CDH4: variants seen among roughly 807,000 people sequenced by gnomAD.
CDH4 encodes the protein cadherin-4.
Under a neutral mutation model 86.0 loss-of-function variants are expected in CDH4, and 33 were observed. That is an observed-to-expected ratio of 0.38 (90% confidence interval 0.29 to 0.51). The LOEUF is 0.51. Among genes scored for constraint, CDH4 ranks in the 20% least tolerant of loss-of-function variants. CDH4 has a pLI of 0.86. For missense variants in CDH4, 1,114 were observed against 1,307.4 expected, an observed-to-expected ratio of 0.85 and a Z score of 2.28; for synonymous variants, 555 against 549.4, an observed-to-expected ratio of 1.01 and a Z score of -0.14.
chr20:61,873,647 G>A (rs377625714), intron 6 of CDH4, 81 bp from the exon 7 acceptor site: 46 of 1,448,734 alleles, frequency 3.2e-5, no homozygotes, highest in South Asian at 3.0e-4. Context: ...CTCTGTGGTC[G>A]GGGGGCTCTG....
intron 2 of CDH4, among the ~76,000 whole-genome samples, chr20:61,720,396 C>T (rs1195439489): frequency 6.6e-6 from 1 of 150,800 alleles, no homozygotes; most frequent in Non-Finnish European, 1.5e-5. Context: ...TGTAGGGGTG[C>T]AGGGGTGCGA....
intron 9 of CDH4, among the ~76,000 whole-genome samples, chr20:61,913,352 C>T (rs2054871600): frequency 6.6e-6 from 1 of 152,244 alleles, no homozygotes; most frequent in Non-Finnish European, 1.5e-5. Context: ...CTGGTGGCCT[C>T]AGCCGTCATG....
chr20:61,933,118 G>A lies in CDH4; in HGVS notation c.2373G>A (p.Glu791=). 2 of 1,612,612 alleles carry A rather than the reference G, an allele frequency of 1.2e-6. No individual in the cohort carries two copies. The highest frequency in any genetic ancestry group is 1.1e-5 in the South Asian group (1 of 91,060). ...ATGACGAGGAAGGCGGTGGCGAGGAGGACCAGGTGAGACTGCGGCCCGCCC... is the reference window on the plus strand; with the variant it reads ...ATGACGAGGAAGGCGGTGGCGAGGAAGACCAGGTGAGACTGCGGCCCGCCC... ...LKYDEEGGGE[E]DQDYDLSQLQ... Residue 791 remains glutamate (E), a synonymous_variant, in exon 14 of 16, where the codon GAG becomes GAA. Transcript: ENST00000614565.
intron 2 of CDH4, among the ~76,000 whole-genome samples, chr20:61,257,517 G>C (rs2084105319): frequency 6.6e-6 from 1 of 152,208 alleles, no homozygotes; most frequent in African/African-American, 2.4e-5. Context: ...CCGAGACGCC[G>C]CTCCTGTGTC....
Position 61,446,886 on chromosome 20 carries a change from A to G in CDH4, c.169+191949A>G, listed in dbSNP as rs188721652. Among the ~76,000 whole-genome samples, 662 of 152,288 alleles carry G rather than the reference A, an allele frequency of 4.3e-3. 5 individuals carry two copies. The highest frequency in any genetic ancestry group is 0.015 in the African/African-American group (625 of 41,552). The stretch of plus-strand genomic sequence containing the variant: ...GTTAGGGGAAAATTGTTATTTACAC[A>G]TTTTTATATGTCATTATTAGTGAAG... On this transcript the variant is annotated intron_variant, in intron 2 of 15. Transcript: ENST00000614565.
chr20:61,595,415 T>A (rs932540800), intron 2 of CDH4, among the ~76,000 whole-genome samples: 6 of 152,216 alleles, frequency 3.9e-5, no homozygotes, highest in Non-Finnish European at 7.3e-5. Context: ...CCTAATGAGC[T>A]GCCTGTGTTG....
chr20:61,590,868 T>C (rs6121441), intron 2 of CDH4, among the ~76,000 whole-genome samples: 8,437 of 79,946 alleles, frequency 0.11, 472 homozygotes, highest in African/African-American at 0.22. Context: ...TTGTCTTCCC[T>C]AAATCTATGG....
Position 61,754,643 on chromosome 20 carries a change from CCACACACCACACGCACACACGCCCCG to C in CDH4, c.396+10862_396+10887del, listed in dbSNP as rs1284047835. 1.4e-5 allele frequency among the ~76,000 whole-genome samples: 2 copies of C among 146,308 alleles called. No individual in the cohort carries two copies. Among genetic ancestry groups the C allele is most frequent in the Admixed American group, 1.4e-4 (2 of 14,688 alleles). ...GGCACACACACCACACACACACGCC[CCACACACCACACGCACACACGCCCCG>C]CACACACTATGCACACCACACACAC... On this transcript the variant is annotated intron_variant, in intron 3 of 15. Transcript: ENST00000614565. The surrounding 1 kb of genome is among the most constrained non-coding windows in gnomAD (Gnocchi z 4.7).
intron 2 of CDH4, chr20:61,718,994 A>G (rs1315373726): frequency 6.4e-6 from 3 of 471,138 alleles, no homozygotes; most frequent in Non-Finnish European, 1.3e-5. Context: ...CAGATGAAAG[A>G]GCACACTCAG....
intron 3 of CDH4, among the ~76,000 whole-genome samples, chr20:61,751,398 A>G (rs960610843): frequency 6.6e-6 from 1 of 152,234 alleles, no homozygotes; most frequent in Admixed American, 6.5e-5. Context: ...ATTTTGAAGC[A>G]AAGATGATTA....
rs189647557 is a variant in CDH4 at position 61,631,840 on chromosome 20, G to A, written c.170-111723G>A. 1.8e-4 allele frequency among the ~76,000 whole-genome samples: 28 copies of A among 152,324 alleles called. No individual in the cohort carries two copies. In the South Asian group the frequency reaches 3.5e-3, roughly 19 times the overall value. ...GCAGTGGGGGTGGCACGCGTCCTCC[G>A]GCCGGTAGTAAGTGAATGGGGCCCT... On this transcript the variant is annotated intron_variant, in intron 2 of 15. Transcript: ENST00000614565.
At chr20:61,707,815 G>C (rs1416516857) in intron 2 of CDH4, among the ~76,000 whole-genome samples, 1 of 152,182 alleles carries the variant, frequency 6.6e-6, no homozygotes. Flanking sequence ...GTTCATGATC[G>C]TGAGACTCTG....
chr20:61,321,852 C>T (rs2084510256), intron 2 of CDH4, among the ~76,000 whole-genome samples: 2 of 152,120 alleles, frequency 1.3e-5, no homozygotes, highest in African/African-American at 2.4e-5. Context: ...ACCTCATGTT[C>T]CTTAGCTCAG....
At chr20:61,866,853 C>T (rs577776169) in intron 6 of CDH4, among the ~76,000 whole-genome samples, 2 of 152,342 alleles carry the variant, frequency 1.3e-5, no homozygotes, top group South Asian at 4.1e-4. Context: ...AGCGTAGATG[C>T]CTAGATGGAG....
intron 2 of CDH4, among the ~76,000 whole-genome samples, chr20:61,689,935 G>A (rs1475195349): frequency 7.0e-6 from 1 of 141,890 alleles, no homozygotes. Flanking sequence ...GTGAGGTGAT[G>A]TGGAATCAGG....
intron 3 of CDH4, among the ~76,000 whole-genome samples, chr20:61,747,650 A>G (rs796658668): frequency 6.6e-6 from 1 of 152,232 alleles, no homozygotes; most frequent in Non-Finnish European, 1.5e-5. Flanking sequence ...CAATGGATAC[A>G]TATATCTGCA....
chr20:61,918,789 TGCAGACCCTCCTGGAG>T (rs547579177), intron 9 of CDH4, among the ~76,000 whole-genome samples: 9 of 152,326 alleles, frequency 5.9e-5, no homozygotes, highest in Non-Finnish European at 1.3e-4. Flanking sequence ...TGCCACTCCC[TGCAGACCCTCCTGGAG>T]GCAGTCATGG....
At chr20:61,568,305 T>C (rs1465638297) in intron 2 of CDH4, among the ~76,000 whole-genome samples, 2 of 152,306 alleles carry the variant, frequency 1.3e-5, no homozygotes, top group African/African-American at 2.4e-5. Flanking sequence ...CTTCTCATGA[T>C]AGTAAGTTCT....
At chr20:61,280,284 C>G (rs1054451373) in intron 2 of CDH4, among the ~76,000 whole-genome samples, 1 of 152,148 alleles carries the variant, frequency 6.6e-6, no homozygotes. Flanking sequence ...CTGAGATGCC[C>G]AGGAAGGTGG....
Sources: allele counts gnomAD v4.1 joint callset (sites outside exome capture counted in the v4.1 genomes callset), GRCh38; gene constraint gnomAD v4.1.1; non-coding constraint Gnocchi (gnomAD v3.1); transcripts MANE v1.5; gene names NCBI Gene and HGNC (gene_info 2026-07-23, HGNC 2026-07-21).